Variants in PPP2R2B observed in about 807,000 individuals in gnomAD.
PPP2R2B encodes the protein protein phosphatase 2 regulatory subunit Bbeta, also known as serine/threonine-protein phosphatase 2A 55 kDa regulatory subunit B beta isoform.
In PPP2R2B, 5 loss-of-function variants were observed where a neutral mutation model predicts 46.0. The observed-to-expected ratio is 0.11, with a 90% CI of 0.06 to 0.23. The LOEUF is 0.23. PPP2R2B is among the 10% of genes least tolerant of loss of function. PPP2R2B has a pLI of 1.00. For synonymous variants in PPP2R2B, 215 were observed against 206.7 expected (o/e 1.04, Z -0.34); for missense variants, 367 against 575.0 (o/e 0.64, Z 3.70).
chr5:146,838,008 C>T (rs892804834), intron 2 of PPP2R2B, among the ~76,000 whole-genome samples: 1 of 152,152 alleles, frequency 6.6e-6, no homozygotes, highest in Non-Finnish European at 1.5e-5. Context: ...TTAAGAGTCC[C>T]TGGTAAGTAG....
At chr5:146,730,554 G>A (rs1752164733) in intron 2 of PPP2R2B, among the ~76,000 whole-genome samples, 1 of 152,128 alleles carries the variant, frequency 6.6e-6, no homozygotes, top group Non-Finnish European at 1.5e-5. Flanking sequence ...CACATGTTGT[G>A]GGAGGGACCC....
chr5:146,596,265 C>G (rs894596186), intron 8 of PPP2R2B, among the ~76,000 whole-genome samples: 6 of 152,156 alleles, frequency 3.9e-5, no homozygotes, highest in East Asian at 1.9e-4. Flanking sequence ...AAGTCTGCAG[C>G]CTTTTATTCA....
At chr5:146,759,954 T>C (rs1434351229) in intron 2 of PPP2R2B, among the ~76,000 whole-genome samples, 1 of 152,204 alleles carries the variant, frequency 6.6e-6, no homozygotes, top group African/African-American at 2.4e-5. Flanking sequence ...TATTTGTGCC[T>C]TCCCATCCTA....
intron 1 of PPP2R2B, among the ~76,000 whole-genome samples, chr5:146,954,524 G>C (rs939928684): frequency 2.6e-5 from 4 of 152,118 alleles, no homozygotes; most frequent in African/African-American, 9.7e-5. Flanking sequence ...GGTGGGAAGG[G>C]GGTGAGGGTA....
intron 7 of PPP2R2B, among the ~76,000 whole-genome samples, chr5:146,616,349 C>T (rs186213536): frequency 1.2e-3 from 183 of 152,200 alleles, no homozygotes; most frequent in African/African-American, 4.0e-3. Flanking sequence ...AGGGATACCC[C>T]GCAAGCACAA....
chr5:147,064,787 G>GA (rs1757370970), intron 2 of PPP2R2B, among the ~76,000 whole-genome samples: 1 of 152,172 alleles, frequency 6.6e-6, no homozygotes, highest in African/African-American at 2.4e-5. Flanking sequence ...CCAGCACATT[G>GA]AAAAATAGCA....
intron 2 of PPP2R2B, among the ~76,000 whole-genome samples, chr5:146,763,761 C>G (rs1474650488): frequency 6.6e-6 from 1 of 152,204 alleles, no homozygotes; most frequent in East Asian, 1.9e-4. Flanking sequence ...CTTGCTCTGT[C>G]TCTCAGGCTG....
At chr5:146,967,094 G>C (rs1029208947) in intron 1 of PPP2R2B, among the ~76,000 whole-genome samples, 1 of 152,278 alleles carries the variant, frequency 6.6e-6, no homozygotes, top group Middle Eastern at 3.4e-3. Flanking sequence ...ACTCAGTTCA[G>C]GTTTAAAACC....
Position 146,600,320 on chromosome 5 carries a change from T to C in PPP2R2B, c.931A>G (p.Met311Val). The change falls in exon 8 of 10, where the codon ATG (methionine) becomes GTG (valine). Residue 311 changes from methionine (M) to valine (V), a missense_variant. Transcript: ENST00000394411. ...YLTVKVWDLN[M>V]ENRPIETYQV... ...TAAGTCTCGATGGGGCGGTTTTCCA[T>C]GTTGAGATCCCAGACTTTGACGGTC... is the stretch of plus-strand genomic sequence containing the variant. 2 of 1,613,916 alleles carry C rather than the reference T, an allele frequency of 1.2e-6. No individual in the cohort carries two copies. The highest frequency in any genetic ancestry group is 8.5e-7 in the Non-Finnish European group (1 of 1,179,884).
chr5:146,876,109 A>G (rs1263904454), intron 2 of PPP2R2B, among the ~76,000 whole-genome samples: 5 of 152,184 alleles, frequency 3.3e-5, no homozygotes, highest in African/African-American at 1.2e-4. Flanking sequence ...TGTGTGTTTG[A>G]GAAAGAGAAA....
intron 1 of PPP2R2B, among the ~76,000 whole-genome samples, chr5:146,940,955 G>C (rs1481330580): frequency 2.0e-5 from 3 of 152,134 alleles, no homozygotes; most frequent in Non-Finnish European, 4.4e-5. Flanking sequence ...CTTTGCCCTA[G>C]TGTTCAGACT....
chr5:146,723,689 G>A (rs1310240533), intron 2 of PPP2R2B, among the ~76,000 whole-genome samples: 1 of 152,116 alleles, frequency 6.6e-6, no homozygotes, highest in Non-Finnish European at 1.5e-5. Context: ...AATGGTCGAT[G>A]TACTTGTTCA....
At chr5:146,640,577 C>A (rs1775140122) in intron 6 of PPP2R2B, among the ~76,000 whole-genome samples, 1 of 152,210 alleles carries the variant, frequency 6.6e-6, no homozygotes, top group African/African-American at 2.4e-5. Context: ...CTTGATATCC[C>A]ACTGTGCCTG....
intron 1 of PPP2R2B, among the ~76,000 whole-genome samples, chr5:147,021,384 G>T (rs545956852): frequency 3.9e-4 from 59 of 152,310 alleles, no homozygotes; most frequent in African/African-American, 1.4e-3. Flanking sequence ...TGAGAGTGGA[G>T]AAAGAGTTTG....
intron 1 of PPP2R2B, among the ~76,000 whole-genome samples, chr5:147,004,597 T>C (rs1754341538): frequency 6.6e-6 from 1 of 152,174 alleles, no homozygotes; most frequent in Non-Finnish European, 1.5e-5. Context: ...TTGTTATGCC[T>C]GAAAGTCCCA....
At chr5:146,921,392 G>C (rs146596857) in intron 1 of PPP2R2B, among the ~76,000 whole-genome samples, 1 of 152,308 alleles carries the variant, frequency 6.6e-6, no homozygotes, top group East Asian at 1.9e-4. Context: ...CACATGGACA[G>C]GCAACAACAA....
intron 1 of PPP2R2B, among the ~76,000 whole-genome samples, chr5:146,909,777 A>C (rs1489792915): frequency 1.3e-5 from 2 of 152,142 alleles, no homozygotes; most frequent in African/African-American, 4.8e-5. Flanking sequence ...TAGATTTAAG[A>C]GTCCCCAAGC....
At chr5:147,008,473 C>G (rs1284405316) in intron 1 of PPP2R2B, among the ~76,000 whole-genome samples, 1 of 152,124 alleles carries the variant, frequency 6.6e-6, no homozygotes, top group Non-Finnish European at 1.5e-5. Flanking sequence ...CTCATGCCTG[C>G]TACTGATCAC....
intron 2 of PPP2R2B, among the ~76,000 whole-genome samples, chr5:146,837,789 T>C (rs1759382645): frequency 6.6e-6 from 1 of 152,228 alleles, no homozygotes; most frequent in Non-Finnish European, 1.5e-5. Context: ...TGCACAAGAC[T>C]CACATATCTT....
Sources: allele counts gnomAD v4.1 joint callset (sites outside exome capture counted in the v4.1 genomes callset), GRCh38; gene constraint gnomAD v4.1.1; transcripts MANE v1.5; gene names NCBI Gene and HGNC (gene_info 2026-07-23, HGNC 2026-07-21).